The following SLC23A2 variants were observed in gnomAD, a reference collection of about 807,000 sequenced individuals.
The protein encoded by SLC23A2 is Na(+)/L-ascorbic acid transporter 2.
In SLC23A2, 36 loss-of-function variants were observed where a neutral mutation model predicts 73.3. The ratio of observed to expected loss-of-function variants is 0.49; its 90% CI spans 0.38 to 0.65. SLC23A2 has a LOEUF of 0.65. Among genes scored for constraint, SLC23A2 ranks in the 30% least tolerant of loss-of-function variants. The pLI is 0.00. For synonymous variants in SLC23A2, 343 were observed against 327.3 expected, an observed-to-expected ratio of 1.05 and a Z score of -0.52; for missense variants, 507 against 841.6, an observed-to-expected ratio of 0.60 and a Z score of 4.92.
chr20:4,968,613 C>G (rs1402435188), intron 2 of SLC23A2, among the ~76,000 whole-genome samples: 1 of 152,064 alleles, frequency 6.6e-6, no homozygotes, highest in East Asian at 1.9e-4. Context: ...CAAAGAAAGA[C>G]CTGGTATTAA....
At chr20:4,993,889 C>A (rs966042660) in intron 1 of SLC23A2, among the ~76,000 whole-genome samples, 5 of 150,834 alleles carry the variant, frequency 3.3e-5, no homozygotes, top group Admixed American at 1.3e-4. Flanking sequence ...ACACAGGAGA[C>A]CCCCATCTCT....
intron 1 of SLC23A2, among the ~76,000 whole-genome samples, chr20:5,000,348 T>C (rs2088097862): frequency 6.6e-6 from 1 of 152,184 alleles, no homozygotes. Flanking sequence ...TCCAGCCTTT[T>C]GCTTCAGAGA....
rs963873158 is a variant in SLC23A2, at chr20:4,906,110, G to A, written c.208-3552C>T. Among the ~76,000 whole-genome samples the A allele has an allele frequency of 5.3e-5, 8 of 152,166 alleles. No individual in the cohort carries two copies. In the East Asian group the frequency reaches 7.7e-4, roughly 15 times the overall value. ...TCCAGCACTTTGGGAGACCAAGGTCGGCAGACTGCTTGAGCTCAGGAGTTC... is the reference window on the plus strand; with the variant it reads ...TCCAGCACTTTGGGAGACCAAGGTCAGCAGACTGCTTGAGCTCAGGAGTTC... On this transcript the variant is annotated intron_variant, in intron 4 of 16. Transcript: ENST00000338244.
chr20:4,961,109 C>CTTTTT (rs1168797126), intron 2 of SLC23A2, among the ~76,000 whole-genome samples: 3 of 131,148 alleles, frequency 2.3e-5, no homozygotes, highest in Non-Finnish European at 3.3e-5. Flanking sequence ...TTTTCTTTTT[C>CTTTTT]TTTTTTTTTT....
rs1335683769 is a variant in SLC23A2 at position 4,857,334 on chromosome 20, ACATG to A, written c.1721-134_1721-131del. 1.2e-4 allele frequency: 62 copies of A among 526,994 alleles called. 1 individual carries two copies. The East Asian group carries it at 1.5e-3, about 13-fold the overall frequency. 32.6% of individuals were successfully genotyped at this position (526,994 alleles called of 1,614,324 possible). Reference sequence around the variant, plus strand: ...CACACACACACACACACACACACACACATGGTCCCACAGATCAAACCTGCCTAGA... The same window carrying A: ...CACACACACACACACACACACACACAGTCCCACAGATCAAACCTGCCTAGA... On this transcript the variant is annotated intron_variant, in intron 16 of 16. Coordinates refer to ENST00000338244, the MANE Select transcript of SLC23A2 (RefSeq NM_005116.6). This position sits in a 1 kb window ranked among gnomAD's most constrained non-coding sequence, Gnocchi z 4.0.
intron 1 of SLC23A2, among the ~76,000 whole-genome samples, chr20:5,000,995 G>A (rs1029518963): frequency 2.0e-5 from 3 of 152,140 alleles, no homozygotes; most frequent in Non-Finnish European, 2.9e-5. Context: ...GGAGGGGCGA[G>A]GGAAGCGACC....
intron 6 of SLC23A2, among the ~76,000 whole-genome samples, chr20:4,893,477 T>A (rs775467368): frequency 6.6e-6 from 1 of 152,120 alleles, no homozygotes; most frequent in African/African-American, 2.4e-5. Context: ...GATCACCGCA[T>A]CCCTCCATGC....
At chr20:5,008,647 C>T (rs577056914) in intron 1 of SLC23A2, among the ~76,000 whole-genome samples, 6 of 152,180 alleles carry the variant, frequency 3.9e-5, no homozygotes, top group East Asian at 3.9e-4. Context: ...CCCTTATCCA[C>T]GACCCCACTT....
rs756327233 is a variant in SLC23A2, at chr20:4,902,554, G to A, written c.212C>T (p.Ser71Phe). ...TTENGIAEKS[S>F]LAETLDSTGS... ...AGTGCTATCCAGGGTCTCAGCGAGAGAGCTCTGCGAGCCAGAAGGAGAAAA... is the reference window on the plus strand; with the variant it reads ...AGTGCTATCCAGGGTCTCAGCGAGAAAGCTCTGCGAGCCAGAAGGAGAAAA... Residue 71 changes from serine (S) to phenylalanine (F), a missense_variant, in exon 5 of 17, where the codon TCT (serine) becomes TTT (phenylalanine). This residue lies in a region of SLC23A2 where 78 missense variants were observed against 86.7 expected (regional missense o/e 0.90). Transcript: ENST00000338244. This position sits in a 1 kb window ranked among gnomAD's most constrained non-coding sequence, Gnocchi z 4.0. 5.3e-5 allele frequency: 84 copies of A among 1,584,002 alleles called. No homozygotes were observed. The highest frequency in any genetic ancestry group is 6.9e-5 in the Non-Finnish European group (80 of 1,156,820).
At chr20:4,879,614 CAG>C (rs1930801357) in intron 9 of SLC23A2, among the ~76,000 whole-genome samples, 1 of 150,684 alleles carries the variant, frequency 6.6e-6, no homozygotes, top group Non-Finnish European at 1.5e-5. Context: ...ACTCAGGAGT[CAG>C]AGGCCACAGT....
intron 5 of SLC23A2, among the ~76,000 whole-genome samples, chr20:4,901,362 T>C (rs1401133965): frequency 6.6e-6 from 1 of 152,112 alleles, no homozygotes; most frequent in Non-Finnish European, 1.5e-5. Flanking sequence ...TGAGATACCT[T>C]AGGTTGAACT....
chr20:4,891,269 A>T (rs563674507), intron 6 of SLC23A2, among the ~76,000 whole-genome samples: 13 of 152,302 alleles, frequency 8.5e-5, no homozygotes, highest in Non-Finnish European at 7.4e-5. Context: ...GGTTGTAGAA[A>T]ACCAAATTCA....
intron 1 of SLC23A2, among the ~76,000 whole-genome samples, chr20:4,993,628 T>G (rs994542458): frequency 6.6e-6 from 1 of 152,036 alleles, no homozygotes. Flanking sequence ...AAATTCACAT[T>G]AATTTTAGAT....
chr20:4,999,556 ATTTT>A (rs11475838), intron 1 of SLC23A2, among the ~76,000 whole-genome samples: 2 of 143,760 alleles, frequency 1.4e-5, no homozygotes, highest in African/African-American at 5.1e-5. Context: ...ATACTCAGCT[ATTTT>A]TTTTTTTTTT....
Position 4,885,842 on chromosome 20 carries a change from T to C in SLC23A2, c.550A>G (p.Lys184Glu). ...TTACCTGTGGTGTTACATTTCCATTTATCTAAAGACAGGATGGCTCGAGCA... is the reference window on the plus strand; with the variant it reads ...TTACCTGTGGTGTTACATTTCCATTCATCTAAAGACAGGATGGCTCGAGCA... ...APARAILSLD[K>E]WKCNTTDVSV... is the part of the protein sequence containing the mutation. The change falls in exon 7 of 17, where the codon AAA becomes GAA. Residue 184 changes from lysine to glutamate, a missense_variant. Around this residue, in one of 5 missense-constraint regions of SLC23A2, gnomAD observed 217 missense variants for 398.0 expected, o/e 0.55. Transcript: ENST00000338244. The C allele has an allele frequency of 6.2e-7, 1 of 1,613,276 alleles. No individual in the cohort carries two copies. Among genetic ancestry groups the C allele is most frequent in the Non-Finnish European group, 8.5e-7 (1 of 1,179,210 alleles).
chr20:4,981,006 A>T (rs8120319), intron 1 of SLC23A2, among the ~76,000 whole-genome samples: 1,952 of 152,332 alleles, frequency 0.013, 44 homozygotes, highest in African/African-American at 0.045. Context: ...AGCTTCATAT[A>T]CATCAACAGT....
upstream of SLC23A2, among the ~76,000 whole-genome samples, chr20:5,002,032 G>C (rs1377548478): frequency 6.6e-6 from 1 of 152,122 alleles, no homozygotes; most frequent in Non-Finnish European, 1.5e-5. Context: ...AGGCTTTTCA[G>C]ACGTGAATTC....
At chr20:4,987,740 C>A (rs947048799) in intron 1 of SLC23A2, among the ~76,000 whole-genome samples, 1 of 151,266 alleles carries the variant, frequency 6.6e-6, no homozygotes, top group Non-Finnish European at 1.5e-5. Context: ...CCCAGCTACT[C>A]GGGAGGCTGA....
At position 4,871,705 on chromosome 20, in the gene SLC23A2, A is replaced by T. The variant is rs1930453746; in HGVS notation, c.1103-1652T>A. Among the ~76,000 whole-genome samples, 9 of 152,112 alleles carry T rather than the reference A, an allele frequency of 5.9e-5. 1 individual carries two copies. The South Asian group carries it at 1.9e-3, about 32-fold the overall frequency. On this transcript the variant is annotated intron_variant, in intron 11 of 16. Transcript: ENST00000338244. ...AGAGGCGGCCCTTGGTCAGGGGTGCAAGGTACGCAGGTTGATGGATGGGGC... is the reference window on the plus strand; with the variant it reads ...AGAGGCGGCCCTTGGTCAGGGGTGCTAGGTACGCAGGTTGATGGATGGGGC...
Sources: allele counts gnomAD v4.1 joint callset (sites outside exome capture counted in the v4.1 genomes callset), GRCh38; gene constraint gnomAD v4.1.1; regional missense constraint gnomAD v4.1.1; non-coding constraint Gnocchi (gnomAD v3.1); transcripts MANE v1.5; gene names NCBI Gene and HGNC (gene_info 2026-07-23, HGNC 2026-07-21).